LEPR: variants seen among roughly 807,000 people sequenced by gnomAD.
The protein encoded by LEPR is leptin receptor.
Under a neutral mutation model 114.7 loss-of-function variants are expected in LEPR, and 56 were observed. The ratio of observed to expected loss-of-function variants is 0.49; its 90% CI spans 0.39 to 0.61. LEPR has a LOEUF of 0.61. Ranked by LOEUF, LEPR falls within the 20% of genes least tolerant of loss-of-function variation. The pLI is 0.00. For synonymous variants in LEPR, 443 were observed against 461.4 expected (o/e 0.96, Z 0.51); for missense variants, 1,202 against 1,352.9 (o/e 0.89, Z 1.75).
At chr1:65,447,655 C>G (rs1458902185) in intron 2 of LEPR, among the ~76,000 whole-genome samples, 1 of 151,912 alleles carries the variant, frequency 6.6e-6, no homozygotes, top group Non-Finnish European at 1.5e-5. Flanking sequence ...ACCTCAGCCC[C>G]TTGAGTACCT....
intron 2 of LEPR, among the ~76,000 whole-genome samples, chr1:65,452,398 T>A (rs1235330784): frequency 3.7e-5 from 5 of 134,226 alleles, no homozygotes; most frequent in East Asian, 2.4e-4. Context: ...CCATTCAGTA[T>A]GATATTGGCT....
intron 14 of LEPR, among the ~76,000 whole-genome samples, chr1:65,611,032 T>C (rs1369640739): frequency 6.6e-6 from 1 of 152,268 alleles, no homozygotes; most frequent in Non-Finnish European, 1.5e-5. Flanking sequence ...ATTTGGTTTC[T>C]AAATCCAGTT....
chr1:65,492,859 A>T (rs1647951062), intron 2 of LEPR, among the ~76,000 whole-genome samples: 1 of 150,648 alleles, frequency 6.6e-6, no homozygotes. Flanking sequence ...TTTATTTTAA[A>T]TTTAATTTAA....
At chr1:65,502,659 T>C (rs756731422) in intron 2 of LEPR, among the ~76,000 whole-genome samples, 3 of 152,032 alleles carry the variant, frequency 2.0e-5, no homozygotes, top group Non-Finnish European at 4.4e-5. Flanking sequence ...ATATAGAAAG[T>C]TGCAATTTTA....
chr1:65,545,557 G>A (rs1651631176), intron 2 of LEPR, among the ~76,000 whole-genome samples: 1 of 152,146 alleles, frequency 6.6e-6, no homozygotes, highest in Non-Finnish European at 1.5e-5. Flanking sequence ...CTGATGGCCA[G>A]TGATGGTGAG....
Position 65,549,458 on chromosome 1 carries a change from C to T in LEPR, c.-20-16088C>T, listed in dbSNP as rs574974937. Among the ~76,000 whole-genome samples the T allele has an allele frequency of 2.2e-3, 341 of 152,274 alleles. 2 individuals are homozygous for T. Among genetic ancestry groups the T allele is most frequent in the African/African-American group, 5.8e-3 (239 of 41,516 alleles). On this transcript the variant is annotated intron_variant, in intron 2 of 19. Transcript: ENST00000349533. ...GTCACTTTCAGGTACACCAATCAGA[C>T]GCAGATTTGGTCTTTTCACATAGTC...
intron 2 of LEPR, among the ~76,000 whole-genome samples, chr1:65,528,968 CTATT>C (rs765309480): frequency 1.4e-5 from 1 of 73,240 alleles, no homozygotes; most frequent in Non-Finnish European, 3.0e-5. Flanking sequence ...CCACACCTGG[CTATT>C]TTTTTTTTTT....
At chr1:65,595,980 A>G (rs1407001876) in intron 6 of LEPR, among the ~76,000 whole-genome samples, 1 of 152,082 alleles carries the variant, frequency 6.6e-6, no homozygotes, top group African/African-American at 2.4e-5. Flanking sequence ...AGGTTTGTCT[A>G]GATTATAGTG....
chr1:65,529,671 G>C (rs1467695682), intron 2 of LEPR, among the ~76,000 whole-genome samples: 1 of 152,112 alleles, frequency 6.6e-6, no homozygotes, highest in Middle Eastern at 3.4e-3. Context: ...CTAAAACTAC[G>C]TCAAGGTCTA....
chr1:65,535,772 C>A (rs1049200153), intron 2 of LEPR, among the ~76,000 whole-genome samples: 5 of 152,102 alleles, frequency 3.3e-5, no homozygotes. Flanking sequence ...CAAATCAATT[C>A]TTATGCAGGA....
intron 2 of LEPR, among the ~76,000 whole-genome samples, chr1:65,484,328 A>T (rs1296437934): frequency 6.6e-6 from 1 of 152,164 alleles, no homozygotes; most frequent in Admixed American, 6.6e-5. Flanking sequence ...TTACTTCTAG[A>T]TTTTAAAATC....
intron 2 of LEPR, among the ~76,000 whole-genome samples, chr1:65,499,937 T>G (rs1648357434): frequency 6.6e-6 from 1 of 152,090 alleles, no homozygotes. Context: ...TGTGTCCCCC[T>G]CCAACTCTCA....
intron 2 of LEPR, among the ~76,000 whole-genome samples, chr1:65,494,986 G>A (rs893810376): frequency 6.6e-6 from 1 of 151,926 alleles, no homozygotes; most frequent in Non-Finnish European, 1.5e-5. Flanking sequence ...AATGCTTTAG[G>A]ATGTTGGTCT....
In LEPR at chr1:65,547,298, G is replaced by T. The variant is rs369247776; in HGVS notation, c.-20-18248G>T. On this transcript the variant is annotated intron_variant, in intron 2 of 19. Coordinates refer to ENST00000349533, the MANE Select transcript of LEPR (RefSeq NM_002303.6). Reference sequence around the variant, plus strand: ...TTGGTTGTGTCTCTGCCTGGCTTTGGTATCAGGATGATGCTGGCCTCATAA... The same window carrying T: ...TTGGTTGTGTCTCTGCCTGGCTTTGTTATCAGGATGATGCTGGCCTCATAA... 4.6e-5 allele frequency among the ~76,000 whole-genome samples: 7 copies of T among 152,186 alleles called. No homozygotes were observed. In the East Asian group the frequency reaches 9.6e-4, roughly 21 times the overall value.
At chr1:65,541,869 C>G (rs1651213149) in intron 2 of LEPR, among the ~76,000 whole-genome samples, 1 of 152,136 alleles carries the variant, frequency 6.6e-6, no homozygotes, top group African/African-American at 2.4e-5. Context: ...TTCCTACACA[C>G]TCAGAGATTT....
At chr1:65,546,101 A>G (rs1487498888) in intron 2 of LEPR, among the ~76,000 whole-genome samples, 1 of 152,116 alleles carries the variant, frequency 6.6e-6, no homozygotes, top group Non-Finnish European at 1.5e-5. Context: ...CAGGTTTGTC[A>G]AAGATCAGAT....
intron 3 of LEPR, among the ~76,000 whole-genome samples, chr1:65,566,958 A>C (rs185243258): frequency 1.3e-5 from 2 of 152,358 alleles, no homozygotes; most frequent in East Asian, 1.9e-4. Flanking sequence ...TAATTTTATT[A>C]GATATATTTA....
chr1:65,458,395 A>G (rs1043926385), intron 2 of LEPR, among the ~76,000 whole-genome samples: 27 of 152,250 alleles, frequency 1.8e-4, no homozygotes, highest in African/African-American at 6.5e-4. Context: ...CTCAATTTTC[A>G]TTTGAGAAAA....
chr1:65,555,329 G>A (rs1419846628), intron 2 of LEPR, among the ~76,000 whole-genome samples: 1 of 152,220 alleles, frequency 6.6e-6, no homozygotes, highest in African/African-American at 2.4e-5. Context: ...TCAGCAATCA[G>A]TTTGAGACCC....
Sources: allele counts gnomAD v4.1 joint callset (sites outside exome capture counted in the v4.1 genomes callset), GRCh38; gene constraint gnomAD v4.1.1; transcripts MANE v1.5; gene names NCBI Gene and HGNC (gene_info 2026-07-23, HGNC 2026-07-21).